Variants in PCDH11X observed in about 807,000 individuals in gnomAD.
PCDH11X encodes the protein protocadherin 11 X-linked.
Under a neutral mutation model 53.3 loss-of-function variants are expected in PCDH11X, and 18 were observed. The observed-to-expected ratio is 0.34, with a 90% CI of 0.23 to 0.50. The LOEUF (loss-of-function observed/expected upper bound fraction) is 0.50, where lower values mean the gene tolerates loss of function less well. PCDH11X is among the 20% of genes least tolerant of loss of function. PCDH11X has a pLI of 0.98. For missense variants in PCDH11X, 570 were observed against 1,032.4 expected (o/e 0.55, Z 6.14); for synonymous variants, 279 against 393.3 (o/e 0.71, Z 3.44).
intron 6 of PCDH11X, among the ~76,000 whole-genome samples, chrX:92,122,362 A>T (rs773844288): frequency 9.0e-6 from 1 of 111,408 alleles, no homozygotes; most frequent in South Asian, 3.8e-4. Context: ...ATATAATGAA[A>T]CTATTTGGGA....
At chrX:92,132,695 A>ATATATATG (rs1569376914) in intron 6 of PCDH11X, among the ~76,000 whole-genome samples, 1 of 93,521 alleles carries the variant, frequency 1.1e-5, no homozygotes, top group African/African-American at 3.9e-5. Context: ...ATGTATATAT[A>ATATATATG]TATATATATA....
intron 8 of PCDH11X, among the ~76,000 whole-genome samples, chrX:92,328,378 T>C (rs1486567296): frequency 9.1e-6 from 1 of 110,220 alleles, no homozygotes; most frequent in Non-Finnish European, 1.9e-5. Flanking sequence ...CTATCTAAGG[T>C]TCCACAGTGA....
intron 8 of PCDH11X, among the ~76,000 whole-genome samples, chrX:92,274,686 A>G (rs766599618): frequency 4.5e-5 from 5 of 110,705 alleles, no homozygotes; most frequent in South Asian, 3.9e-4. Context: ...TGGAACACTG[A>G]GAAGTTATTT....
chrX:92,086,862 A>G (rs964346809), intron 6 of PCDH11X, among the ~76,000 whole-genome samples: 6 of 110,592 alleles, frequency 5.4e-5, no homozygotes, highest in Non-Finnish European at 1.1e-4. Flanking sequence ...CAGATATAAT[A>G]AGCAAATCAT....
chrX:92,443,375 C>T (rs1372442504), intron 9 of PCDH11X, among the ~76,000 whole-genome samples: 1 of 111,093 alleles, frequency 9.0e-6, no homozygotes, highest in Admixed American at 9.5e-5. Context: ...ATTTGTTTGA[C>T]TTTCTTATAG....
intron 7 of PCDH11X, among the ~76,000 whole-genome samples, chrX:92,258,918 A>ACTCTCAAAT (rs1258461406): frequency 1.8e-5 from 2 of 110,773 alleles, no homozygotes; most frequent in Admixed American, 9.7e-5. Context: ...CTAAATCATC[A>ACTCTCAAAT]CTCTCAAATT....
intron 10 of PCDH11X, among the ~76,000 whole-genome samples, chrX:92,589,682 G>C (rs949503680): frequency 1.2e-4 from 13 of 111,664 alleles, no homozygotes; most frequent in Admixed American, 1.1e-3. Flanking sequence ...TCTAAAAATT[G>C]TATCAGTGAG....
intron 6 of PCDH11X, among the ~76,000 whole-genome samples, chrX:92,057,084 T>G: frequency 9.2e-6 from 1 of 108,546 alleles, no homozygotes; most frequent in Non-Finnish European, 1.9e-5. Context: ...GACACTGAAG[T>G]GAGGAGAAGG....
chrX:92,274,211 C>G lies in PCDH11X; in HGVS notation c.3144+11068C>G, dbSNP rs981926992. Among the ~76,000 whole-genome samples, 28 of 109,192 alleles carry G rather than the reference C, an allele frequency of 2.6e-4. 1 individual carries two copies. Among genetic ancestry groups the G allele is most frequent in the African/African-American group, 9.2e-4 (27 of 29,508 alleles). 94.8% of individuals were successfully genotyped at this position (109,192 alleles called of 115,157 possible). A position where few individuals can be genotyped will look rare whatever the true frequency, so the allele number is the denominator to read the frequency against. On this transcript the variant is annotated intron_variant, in intron 8 of 10. Transcript: ENST00000682573. ...GAGGACAGGCCTGAATTCTGAGAAG[C>G]GAAAGTGGTAAAAGTATTGTCCAGT...
At chrX:92,189,150 C>A (rs188173295) in intron 6 of PCDH11X, among the ~76,000 whole-genome samples, 31 of 110,939 alleles carry the variant, frequency 2.8e-4, no homozygotes, top group African/African-American at 4.9e-4. Context: ...CTGCACAGAT[C>A]AACCCATCAC....
At chrX:91,920,331 C>A (rs1362979468) in intron 6 of PCDH11X, among the ~76,000 whole-genome samples, 4 of 109,919 alleles carry the variant, frequency 3.6e-5, no homozygotes, top group Non-Finnish European at 5.7e-5. Flanking sequence ...TAAAATAGGG[C>A]CACACTATAC....
At chrX:92,382,360 A>G (rs1278086703) in intron 8 of PCDH11X, among the ~76,000 whole-genome samples, 1 of 111,071 alleles carries the variant, frequency 9.0e-6, no homozygotes, top group Non-Finnish European at 1.9e-5. Flanking sequence ...AAGGTTGTAT[A>G]AGTAATTCTA....
chrX:91,970,001 C>T (rs999228176), intron 6 of PCDH11X, among the ~76,000 whole-genome samples: 11 of 109,767 alleles, frequency 1.0e-4, no homozygotes, highest in South Asian at 3.9e-4. Context: ...TGGTTCTTTC[C>T]GGTGGGTTCT....
intron 5 of PCDH11X, among the ~76,000 whole-genome samples, chrX:91,875,843 A>C (rs1036992097): frequency 1.6e-4 from 18 of 110,047 alleles, no homozygotes; most frequent in Non-Finnish European, 3.2e-4. Context: ...TTATATTTTA[A>C]CCAGTTTGTG....
At chrX:92,177,418 T>C (rs2065927727) in intron 6 of PCDH11X, among the ~76,000 whole-genome samples, 1 of 111,994 alleles carries the variant, frequency 8.9e-6, no homozygotes, top group African/African-American at 3.2e-5. Flanking sequence ...TGATGTATTC[T>C]GATTTTATCA....
intron 9 of PCDH11X, among the ~76,000 whole-genome samples, chrX:92,399,342 A>G (rs763501868): frequency 9.1e-6 from 1 of 110,441 alleles, no homozygotes; most frequent in Admixed American, 9.7e-5. Flanking sequence ...ACAAGTCCCC[A>G]GGGTATGTGA....
At chrX:92,276,106 G>A (rs955389016) in intron 8 of PCDH11X, among the ~76,000 whole-genome samples, 38 of 109,790 alleles carry the variant, frequency 3.5e-4, no homozygotes, top group Non-Finnish European at 5.5e-4. Flanking sequence ...GTCTCAGTTG[G>A]CACCAGAGTT....
intron 1 of PCDH11X, among the ~76,000 whole-genome samples, chrX:91,784,516 AC>A (rs1935265992): frequency 9.1e-6 from 1 of 110,031 alleles, no homozygotes; most frequent in African/African-American, 3.3e-5. Context: ...TCCTGGGGAG[AC>A]CCCCACTCCT....
intron 8 of PCDH11X, among the ~76,000 whole-genome samples, chrX:92,342,051 G>T (rs2069775025): frequency 9.0e-6 from 1 of 111,221 alleles, no homozygotes; most frequent in South Asian, 3.7e-4. Context: ...ATTCTCAAAA[G>T]AAGATATACA....
Sources: allele counts gnomAD v4.1 joint callset (sites outside exome capture counted in the v4.1 genomes callset), GRCh38; gene constraint gnomAD v4.1.1; transcripts MANE v1.5; gene names NCBI Gene and HGNC (gene_info 2026-07-23, HGNC 2026-07-21).